Variants in HSDL2 observed in about 807,000 individuals in gnomAD.
HSDL2 encodes the protein hydroxysteroid dehydrogenase like 2, also known as hydroxysteroid dehydrogenase-like protein 2.
In HSDL2, 27 loss-of-function variants were observed where a neutral mutation model predicts 46.3. That is an observed-to-expected ratio of 0.58 (90% CI 0.43 to 0.80). The LOEUF is 0.80. Ranked by LOEUF, HSDL2 falls within the 30% of genes least tolerant of loss-of-function variation. HSDL2 has a pLI of 0.00. For missense variants in HSDL2, 451 were observed against 502.7 expected (o/e 0.90, Z 0.98); for synonymous variants, 153 against 163.6 (o/e 0.94, Z 0.50).
At chr9:112,399,294 G>A (rs796991311) in intron 1 of HSDL2, among the ~76,000 whole-genome samples, 1 of 152,042 alleles carries the variant, frequency 6.6e-6, no homozygotes, top group Middle Eastern at 3.2e-3. Context: ...AGGGGAGGGG[G>A]TGTAAGAACA....
chr9:112,468,437 A>G (rs1241186067), intron 10 of HSDL2, among the ~76,000 whole-genome samples: 6 of 151,612 alleles, frequency 4.0e-5, no homozygotes, highest in Admixed American at 2.6e-4. Context: ...TCTTTTTCCT[A>G]CCTTTCTATT....
chr9:112,432,849 C>T (rs1832440441), intron 6 of HSDL2, among the ~76,000 whole-genome samples: 1 of 152,144 alleles, frequency 6.6e-6, no homozygotes, highest in Non-Finnish European at 1.5e-5. Flanking sequence ...CTCACTGAAA[C>T]CTGTGCCTCC....
rs1200718059 is a variant in HSDL2, at chr9:112,471,730, G to A, written c.*1186G>A. 2 of 152,190 alleles carry A rather than the reference G, an allele frequency of 1.3e-5. No homozygotes were observed. Among genetic ancestry groups the A allele is most frequent in the Non-Finnish European group, 2.9e-5 (2 of 68,062 alleles). 9.4% of individuals were successfully genotyped at this position (152,190 alleles called of 1,614,324 possible). On this transcript the variant is annotated 3_prime_UTR_variant, in exon 11 of 11. Transcript: ENST00000398805. ...TATTTTATTATGGCAGCCCTAGCAA[G>A]CTAATACAGTGGTTTGAGAGGCTGG...
At chr9:112,387,448 G>C (rs1257588332) in intron 1 of HSDL2, among the ~76,000 whole-genome samples, 3 of 152,042 alleles carry the variant, frequency 2.0e-5, no homozygotes, top group African/African-American at 7.2e-5. Context: ...TCAAACTCCA[G>C]GGCTAAAGCG....
At chr9:112,389,457 A>C (rs868167054) in intron 1 of HSDL2, among the ~76,000 whole-genome samples, 34 of 151,306 alleles carry the variant, frequency 2.2e-4, no homozygotes, top group Middle Eastern at 3.4e-3. Context: ...AGGATATGTG[A>C]ATATTTTTTT....
chr9:112,460,370 G>T (rs1255456162), intron 10 of HSDL2, among the ~76,000 whole-genome samples: 10 of 152,282 alleles, frequency 6.6e-5, no homozygotes, highest in African/African-American at 1.7e-4. Context: ...TTCCATCTGA[G>T]TCAATCTGTA....
intron 9 of HSDL2, among the ~76,000 whole-genome samples, chr9:112,455,706 T>C (rs1833002080): frequency 6.6e-6 from 1 of 152,232 alleles, no homozygotes; most frequent in South Asian, 2.1e-4. Flanking sequence ...TCTTAAACTT[T>C]CTCAGTGTTC....
In HSDL2 at chr9:112,382,712, A is replaced by G. The variant is rs563802322; in HGVS notation, c.17+2532A>G. Among the ~76,000 whole-genome samples, 6 of 152,304 alleles carry G rather than the reference A, an allele frequency of 3.9e-5. No individual in the cohort carries two copies. The East Asian group carries it at 1.2e-3, about 29-fold the overall frequency. ...GAGAAACCCTGGTTTAAAGCCATCTATGTATCTTTATATTTGTCTGGCTTA... is the reference window on the plus strand; with the variant it reads ...GAGAAACCCTGGTTTAAAGCCATCTGTGTATCTTTATATTTGTCTGGCTTA... On this transcript the variant is annotated intron_variant, in intron 1 of 10. Coordinates refer to ENST00000398805, the MANE Select transcript of HSDL2 (RefSeq NM_032303.5).
intron 10 of HSDL2, chr9:112,469,894 TA>T (rs1326671158): frequency 6.6e-6 from 1 of 152,256 alleles, no homozygotes; most frequent in African/African-American, 2.4e-5. Flanking sequence ...TCATATTTAT[TA>T]CATGTTGTTA....
At chr9:112,435,804 C>T (rs370665819) in intron 6 of HSDL2, among the ~76,000 whole-genome samples, 2 of 151,966 alleles carry the variant, frequency 1.3e-5, no homozygotes. Flanking sequence ...ACAGTCATAG[C>T]TCACTGCAGC....
At chr9:112,464,959 T>A (rs1833333727) in intron 10 of HSDL2, among the ~76,000 whole-genome samples, 1 of 152,202 alleles carries the variant, frequency 6.6e-6, no homozygotes, top group Non-Finnish European at 1.5e-5. Flanking sequence ...TCTCTATGGT[T>A]TTCCCTATTC....
In HSDL2 at chr9:112,403,980, T is replaced by G. The variant is rs773461853; in HGVS notation, c.18-15T>G. Reference sequence around the variant, plus strand: ...CATTGGGTCTTCTAATAAGGTCGTATTTGTTCTGTTGTAGGAGGCTGGCAG... The same window carrying G: ...CATTGGGTCTTCTAATAAGGTCGTAGTTGTTCTGTTGTAGGAGGCTGGCAG... On this transcript the variant is annotated splice_polypyrimidine_tract_variant and intron_variant, in intron 1 of 10. Transcript: ENST00000398805. 1.1e-5 allele frequency: 18 copies of G among 1,611,420 alleles called. No homozygotes were observed. The highest frequency in any genetic ancestry group is 1.4e-5 in the Non-Finnish European group (17 of 1,178,404).
chr9:112,455,890 G>A (rs1477254688), intron 9 of HSDL2, among the ~76,000 whole-genome samples: 3 of 152,082 alleles, frequency 2.0e-5, no homozygotes, highest in Admixed American at 2.0e-4. Context: ...CCTCTTAGTA[G>A]AATGGAGCTC....
At chr9:112,450,993 G>C (rs1477006879) in intron 8 of HSDL2, among the ~76,000 whole-genome samples, 1 of 151,934 alleles carries the variant, frequency 6.6e-6, no homozygotes, top group African/African-American at 2.4e-5. Flanking sequence ...TTGAGTCTAG[G>C]AGTTCGAGAC....
chr9:112,455,007 GTAGT>G (rs1832982750), intron 9 of HSDL2, among the ~76,000 whole-genome samples: 1 of 152,084 alleles, frequency 6.6e-6, no homozygotes, highest in Non-Finnish European at 1.5e-5. Context: ...TGCCCAGATG[GTAGT>G]TAGCTTTTAA....
chr9:112,388,712 C>T (rs191962153), intron 1 of HSDL2, among the ~76,000 whole-genome samples: 132 of 152,064 alleles, frequency 8.7e-4, no homozygotes, highest in African/African-American at 3.0e-3. Flanking sequence ...TGAGATAGTG[C>T]CACTGCACTC....
chr9:112,409,333 G>T (rs916572555), intron 4 of HSDL2, among the ~76,000 whole-genome samples: 1 of 152,026 alleles, frequency 6.6e-6, no homozygotes, highest in Non-Finnish European at 1.5e-5. Context: ...GGGATTACAG[G>T]CGCCCACCAC....
chr9:112,461,450 CAG>C (rs1441283285), intron 10 of HSDL2, among the ~76,000 whole-genome samples: 1 of 152,162 alleles, frequency 6.6e-6, no homozygotes, highest in East Asian at 1.9e-4. Flanking sequence ...AGCTTAAACA[CAG>C]TGCTTTGGAC....
At chr9:112,445,818 C>G (rs1415613567) in intron 8 of HSDL2, among the ~76,000 whole-genome samples, 2 of 134,518 alleles carry the variant, frequency 1.5e-5, no homozygotes, top group Non-Finnish European at 3.3e-5. Flanking sequence ...GCCACTGTGC[C>G]TGGCCAAAGC....
Sources: allele counts gnomAD v4.1 joint callset (sites outside exome capture counted in the v4.1 genomes callset), GRCh38; gene constraint gnomAD v4.1.1; transcripts MANE v1.5; gene names NCBI Gene and HGNC (gene_info 2026-07-23, HGNC 2026-07-21).